Variants in CLUL1 observed in about 807,000 individuals in gnomAD.
CLUL1 encodes clusterin-like protein 1.
CLUL1 carries 43 observed loss-of-function variants against 49.4 expected under a neutral mutation model. That is an observed-to-expected ratio of 0.87 (90% confidence interval 0.68 to 1.12). CLUL1 has a LOEUF of 1.12. Ranked by LOEUF, CLUL1 falls within the 50% of genes most tolerant of loss-of-function variation. The pLI is 0.00. For synonymous variants in CLUL1, 192 were observed against 184.9 expected (o/e 1.04, Z -0.31); for missense variants, 486 against 544.4 (o/e 0.89, Z 1.07).
intron 1 of CLUL1, among the ~76,000 whole-genome samples, chr18:599,186 T>G (rs2072747568): frequency 6.6e-6 from 1 of 152,234 alleles, no homozygotes; most frequent in African/African-American, 2.4e-5. Context: ...AATAGTATTT[T>G]TACATGTCTT....
At chr18:613,074 G>A (rs896460176) in intron 2 of CLUL1, 72 of 347,008 alleles carry the variant, frequency 2.1e-4, no homozygotes, top group Middle Eastern at 7.7e-4. Flanking sequence ...TTTCATGAAA[G>A]GATTTGAAGT....
chr18:633,919 G>C (rs72634354), intron 7 of CLUL1, among the ~76,000 whole-genome samples: 20,119 of 151,568 alleles, frequency 0.13, 1,741 homozygotes, highest in East Asian at 0.3. Flanking sequence ...AAGTTTAAAA[G>C]TAGAAGGCAA....
chr18:633,841 CGGAGCGTGTAATCGGAATGAATCAGGGT>C (rs1186718465), intron 7 of CLUL1, among the ~76,000 whole-genome samples: 8,633 of 32,040 alleles, frequency 0.27, 608 homozygotes, highest in African/African-American at 0.42. Flanking sequence ...TGAATCAGGG[CGGAGCGTGTAATCGGAATGAATCAGGGT>C]GGAGCGTGTA....
rs1034842895 is a variant in CLUL1 at position 618,884 on chromosome 18, T to A, written c.107-329T>A. On this transcript the variant is annotated intron_variant, in intron 3 of 9. Coordinates refer to ENST00000692774, the MANE Select transcript of CLUL1 (RefSeq NM_001393344.1). This position sits in a 1 kb window ranked among gnomAD's most constrained non-coding sequence, Gnocchi z 4.2. ...CACTTAATATAAATTATGAAGAAAA[T>A]GCAAAATTTTCTCTAATATAAACAC... is the stretch of plus-strand genomic sequence containing the variant. 7.3e-5 allele frequency among the ~76,000 whole-genome samples: 11 copies of A among 151,716 alleles called. No individual in the cohort carries two copies. Among genetic ancestry groups the A allele is most frequent in the African/African-American group, 2.4e-4 (10 of 41,268 alleles).
intron 9 of CLUL1, among the ~76,000 whole-genome samples, chr18:648,305 A>C (rs1259270082): frequency 6.6e-6 from 1 of 152,222 alleles, no homozygotes; most frequent in Admixed American, 6.5e-5. Context: ...GATACTGAGT[A>C]ATTGGGAGAT....
chr18:642,567 A>G (rs899915859), intron 8 of CLUL1, among the ~76,000 whole-genome samples: 7 of 152,306 alleles, frequency 4.6e-5, no homozygotes, highest in Non-Finnish European at 1.0e-4. Context: ...ACACACACAC[A>G]TTACCTTAAT....
At chr18:646,774 G>A (rs904608390) in intron 9 of CLUL1, among the ~76,000 whole-genome samples, 6 of 146,696 alleles carry the variant, frequency 4.1e-5, no homozygotes, top group Non-Finnish European at 8.9e-5. Flanking sequence ...TTTTGAGACA[G>A]AGTCTTGTTC....
chr18:644,824 C>G (rs1052060697), intron 8 of CLUL1, 86 bp from the exon 9 acceptor site: 1 of 1,015,868 alleles, frequency 9.8e-7, no homozygotes, highest in Non-Finnish European at 1.4e-6. Context: ...CACAACCCAG[C>G]CTATCCTGAC....
intron 2 of CLUL1, among the ~76,000 whole-genome samples, chr18:608,127 G>T (rs1178469960): frequency 6.6e-6 from 1 of 152,130 alleles, no homozygotes; most frequent in African/African-American, 2.4e-5. Flanking sequence ...TCTGTCTGTG[G>T]CTGCCCGTGC....
In CLUL1 at chr18:633,280, ATGTTATGTTCCCTGTAGCTCC is replaced by A; in HGVS notation, c.857-15_862del. The A allele has an allele frequency of 6.3e-7, 1 of 1,592,720 alleles. No homozygotes were observed. The highest frequency in any genetic ancestry group is 8.5e-7 in the Non-Finnish European group (1 of 1,169,910). On this transcript the variant is annotated splice_acceptor_variant and splice_polypyrimidine_tract_variant and coding_sequence_variant and intron_variant, in exon 7 of 10. Transcript: ENST00000692774. LOFTEE classifies it high-confidence loss of function. ...AAACTCTTATGACACTAACGTGTAA[ATGTTATGTTCCCTGTAGCTCC>A]TGACCACGGAGGCCTGATTTCAAAG...
At chr18:619,476 C>A in intron 4 of CLUL1, 115 bp downstream of exon 4, 1 of 999,200 alleles carries the variant, frequency 1.0e-6, no homozygotes, top group Non-Finnish European at 1.4e-6. Context: ...TCATGGGTAG[C>A]TGCTTTTATT....
rs915147706 is a variant in CLUL1 at position 613,142 on chromosome 18, A to G, written c.-13-4846A>G. On this transcript the variant is annotated intron_variant, in intron 2 of 9. Transcript: ENST00000692774. ...TATATGAAACTAAAACAATTATTTTATTGTATTTTTTTTGAGATGGAGTCT... is the reference window on the plus strand; with the variant it reads ...TATATGAAACTAAAACAATTATTTTGTTGTATTTTTTTTGAGATGGAGTCT... The G allele has an allele frequency of 1.2e-4, 34 of 282,718 alleles. No homozygotes were observed. In the Admixed American group the frequency reaches 3.4e-3, roughly 28 times the overall value. 17.5% of individuals were successfully genotyped at this position (282,718 alleles called of 1,614,324 possible). A position where few individuals can be genotyped will look rare whatever the true frequency, so the allele number is the denominator to read the frequency against.
chr18:621,627 T>C (rs569395499), intron 4 of CLUL1, among the ~76,000 whole-genome samples: 2 of 152,266 alleles, frequency 1.3e-5, no homozygotes, highest in South Asian at 4.1e-4. Context: ...ACTCATACAC[T>C]CTTCACAAAA....
chr18:624,731 G>A, intron 4 of CLUL1, 134 bp from the exon 5 acceptor site: 1 of 745,448 alleles, frequency 1.3e-6, no homozygotes, highest in East Asian at 2.6e-5. Flanking sequence ...GGGGAGATCT[G>A]ACAGCTGCGA....
chr18:627,467 G>A lies in CLUL1; in HGVS notation c.794G>A (p.Ser265Asn), dbSNP rs774616130. The change falls in exon 6 of 10, where the codon AGT becomes AAT. Residue 265 changes from serine to asparagine, a missense_variant. Transcript: ENST00000692774. ...AATTTCAGTGTCTCTATTTATGAAA[G>A]TGTCAGTGAAACAATTACTAAGATG... ...FCNFSVSIYE[S>N]VSETITKMLK... 4.6e-5 allele frequency: 75 copies of A among 1,613,510 alleles called. No individual in the cohort carries two copies. Among genetic ancestry groups the A allele is most frequent in the Middle Eastern group, 1.6e-4 (1 of 6,084 alleles).
At chr18:598,312 C>T (rs2072716236) in intron 1 of CLUL1, 1 of 376,938 alleles carries the variant, frequency 2.7e-6, no homozygotes, top group Non-Finnish European at 4.7e-6. Context: ...CTTTGCGTGA[C>T]CTTGAAGAAA....
At chr18:597,778 G>A (rs2143898948) in intron 1 of CLUL1, 1 of 152,268 alleles carries the variant, frequency 6.6e-6, no homozygotes, top group South Asian at 2.1e-4. Context: ...AACTATCAAT[G>A]CTCATACAGT....
intron 3 of CLUL1, 45 bp from the exon 4 acceptor site, chr18:619,159 GGTGTTTTGT>G (rs2073402591): frequency 6.5e-7 from 1 of 1,538,578 alleles, no homozygotes; most frequent in Non-Finnish European, 8.9e-7. Flanking sequence ...TGGTGAACTT[GGTGTTTTGT>G]AATCTGATCA....
chr18:614,317 GGGAGGGAA>G lies in CLUL1; in HGVS notation c.-13-3667_-13-3660del, dbSNP rs369137662. Among the ~76,000 whole-genome samples, 483 of 133,108 alleles carry G rather than the reference GGGAGGGAA, an allele frequency of 3.6e-3. 4 individuals are homozygous for G. Among genetic ancestry groups the G allele is most frequent in the African/African-American group, 0.012 (444 of 36,880 alleles). The allele number at this position is 133,108 out of a possible 152,430, so 87.3% of individuals were successfully genotyped here. On this transcript the variant is annotated intron_variant, in intron 2 of 9. Transcript: ENST00000692774. The stretch of plus-strand genomic sequence containing the variant: ...AAGAAGGAAGGGAGGAAGGAAGGGA[GGGAGGGAA>G]GGAAGGGAGGGAAGGAAGGAAGGAA...
Sources: gnomAD v4.1 joint callset for allele counts (sites outside exome capture counted in the v4.1 genomes callset) on GRCh38, gnomAD v4.1.1 for gene constraint, Gnocchi (gnomAD v3.1) non-coding constraint, MANE v1.5 for transcripts, NCBI Gene and HGNC (gene_info 2026-07-23, HGNC 2026-07-21) for gene names.